The following RBM12B variants were observed in gnomAD, a reference collection of about 807,000 sequenced individuals.
RBM12B encodes the protein RNA-binding protein 12B.
A neutral mutation model predicts 34.3 loss-of-function variants in RBM12B; 10 were observed. The ratio of observed to expected loss-of-function variants is 0.29; its 90% CI spans 0.18 to 0.49. The LOEUF (loss-of-function observed/expected upper bound fraction) is 0.49, where lower values mean the gene tolerates loss of function less well. RBM12B is among the 20% of genes least tolerant of loss of function. RBM12B has a pLI of 0.99. For missense variants in RBM12B, 1,139 were observed against 1,262.7 expected (o/e 0.90, Z 1.48); for synonymous variants, 477 against 437.1 (o/e 1.09, Z -1.14).
Position 93,729,092 on chromosome 8 carries a change from C to A in RBM12B, c.*4313G>T, listed in dbSNP as rs765589310. 2 of 152,098 alleles carry A rather than the reference C, an allele frequency of 1.3e-5. No homozygotes were observed. The highest frequency in any genetic ancestry group is 2.9e-5 in the Non-Finnish European group (2 of 67,936). The allele number at this position is 152,098 out of a possible 1,614,324, so 9.4% of individuals were successfully genotyped here. ...ATTTCTGAAAATATAAAACATTGAGCCTTTCAGTGTATCTGATGCTTCTCT... is the reference window on the plus strand; with the variant it reads ...ATTTCTGAAAATATAAAACATTGAGACTTTCAGTGTATCTGATGCTTCTCT... On this transcript the variant is annotated 3_prime_UTR_variant, in exon 4 of 4. Transcript: ENST00000520560.
chr8:93,736,143 G>T lies in RBM12B; in HGVS notation c.268C>A (p.Arg90Ser). The T allele has an allele frequency of 6.2e-7, 1 of 1,614,140 alleles. No homozygotes were observed. ...QKTIEMKRTD[R>S]VGRGRPGSGT... ...GATCCTGGACGCCCTCTTCCTACACGATCAGTTCTTTTCATTTCTATAGTC... is the reference window on the plus strand; with the variant it reads ...GATCCTGGACGCCCTCTTCCTACACTATCAGTTCTTTTCATTTCTATAGTC... The change falls in exon 4 of 4, where the codon CGT (arginine) becomes AGT (serine). Residue 90 changes from arginine (R) to serine (S), a missense_variant. Physicochemically the swap from Arg to Ser is moderately radical, Grantham distance 110 (BLOSUM62 -1). This residue lies in a region of RBM12B where 216 missense variants were observed against 292.2 expected (regional missense o/e 0.74). Coordinates refer to ENST00000520560, the MANE Select transcript of RBM12B (RefSeq NM_001377960.1).
In RBM12B at chr8:93,728,973, T is replaced by C. The variant is rs1811677380; in HGVS notation, c.*4432A>G. ...TTTGGAAGGCTAATTTGGTGGAATGTTGCCTCATCATAGAACACCATAGAT... is the reference window on the plus strand; with the variant it reads ...TTTGGAAGGCTAATTTGGTGGAATGCTGCCTCATCATAGAACACCATAGAT... On this transcript the variant is annotated 3_prime_UTR_variant, in exon 4 of 4. Coordinates refer to ENST00000520560, the MANE Select transcript of RBM12B (RefSeq NM_001377960.1). 1 of 152,134 alleles carries C rather than the reference T, an allele frequency of 6.6e-6. No homozygotes were observed. The allele number at this position is 152,134 out of a possible 1,614,324, so 9.4% of individuals were successfully genotyped here.
rs1012557034 is a variant in RBM12B, at chr8:93,732,712, T to C, written c.*693A>G. The stretch of plus-strand genomic sequence containing the variant: ...TCATAAATATGGTTTAATGAAGTTA[T>C]TGAAAAACTTCACAATATCGAGCTG... On this transcript the variant is annotated 3_prime_UTR_variant, in exon 4 of 4. Coordinates refer to ENST00000520560, the MANE Select transcript of RBM12B (RefSeq NM_001377960.1). 1.3e-5 allele frequency: 2 copies of C among 152,244 alleles called. No individual in the cohort carries two copies. Among genetic ancestry groups the C allele is most frequent in the African/African-American group, 2.4e-5 (1 of 41,468 alleles). 9.4% of individuals were successfully genotyped at this position (152,244 alleles called of 1,614,324 possible). A position where few individuals can be genotyped will look rare whatever the true frequency, so the allele number is the denominator to read the frequency against.
rs1310208504 is a variant in RBM12B at position 93,735,319 on chromosome 8, C to A, written c.1092G>T (p.Leu364=). 6.8e-6 allele frequency: 11 copies of A among 1,613,984 alleles called. No individual in the cohort carries two copies. Among genetic ancestry groups the A allele is most frequent in the Non-Finnish European group, 9.3e-6 (11 of 1,180,024 alleles). Residue 364 remains leucine, a synonymous_variant, in exon 4 of 4, where the codon CTG becomes CTT. Coordinates refer to ENST00000520560, the MANE Select transcript of RBM12B (RefSeq NM_001377960.1). ...HIDPISRKQM[L]KFIARYEKKR... ...TCTTTTCATAACGTGCAATGAACTTCAGCATTTGTTTTCTAGAAATTGGAT... is the reference window on the plus strand; with the variant it reads ...TCTTTTCATAACGTGCAATGAACTTAAGCATTTGTTTTCTAGAAATTGGAT...
chr8:93,735,932 C>T lies in RBM12B; in HGVS notation c.479G>A (p.Arg160Gln), dbSNP rs1812005632. The part of the protein sequence containing the change: ...LKAENPYLFL[R>Q]GLPYLVNEDD... ...TTCATTTACTAGGTAAGGCAAACCTCGTAGAAACAAGTAAGGATTCTCGGC... is the reference window on the plus strand; with the variant it reads ...TTCATTTACTAGGTAAGGCAAACCTTGTAGAAACAAGTAAGGATTCTCGGC... The change falls in exon 4 of 4, where the codon CGA becomes CAA. Residue 160 changes from arginine to glutamine, a missense_variant. Around this residue, in one of 3 missense-constraint regions of RBM12B, gnomAD observed 216 missense variants for 292.2 expected, o/e 0.74. Transcript: ENST00000520560. 3.1e-6 allele frequency: 5 copies of T among 1,614,190 alleles called. No individual in the cohort carries two copies. The highest frequency in any genetic ancestry group is 1.1e-5 in the South Asian group (1 of 91,078).
rs575211544 is a variant in RBM12B, at chr8:93,728,789, A to G, written c.*4616T>C. 6.6e-6 allele frequency: 1 copy of G among 152,232 alleles called. No individual in the cohort carries two copies. The highest frequency in any genetic ancestry group is 2.1e-4 in the South Asian group (1 of 4,832). The allele number at this position is 152,232 out of a possible 1,614,324, so 9.4% of individuals were successfully genotyped here. On this transcript the variant is annotated 3_prime_UTR_variant, in exon 4 of 4. Transcript: ENST00000520560. ...ATTTGATAAGTAAATTTACTTTTCA[A>G]GAAGAGTATAACCAAAGAGTAAAGA... is the stretch of plus-strand genomic sequence containing the variant.
chr8:93,728,571 A>G lies in RBM12B; in HGVS notation c.*4834T>C. On this transcript the variant is annotated 3_prime_UTR_variant, in exon 4 of 4. Coordinates refer to ENST00000520560, the MANE Select transcript of RBM12B (RefSeq NM_001377960.1). ...TCAAAGTATTTCATATTAATGTACT[A>G]TATCTACTTGAAGTTCCAATAGTAC... 8.3e-6 allele frequency: 2 copies of G among 240,622 alleles called. No homozygotes were observed. The highest frequency in any genetic ancestry group is 7.9e-6 in the Non-Finnish European group (1 of 126,184). The allele number at this position is 240,622 out of a possible 1,614,324, so 14.9% of individuals were successfully genotyped here. A position where few individuals can be genotyped will look rare whatever the true frequency, so the allele number is the denominator to read the frequency against.
Position 93,733,307 on chromosome 8 carries a change from CATTAG to C in RBM12B, c.*93_*97del. 1.1e-6 allele frequency: 1 copy of C among 907,904 alleles called. No homozygotes were observed. Among genetic ancestry groups the C allele is most frequent in the Non-Finnish European group, 1.5e-6 (1 of 655,070 alleles). 56.2% of individuals were successfully genotyped at this position (907,904 alleles called of 1,614,324 possible). A position where few individuals can be genotyped will look rare whatever the true frequency, so the allele number is the denominator to read the frequency against. The stretch of plus-strand genomic sequence containing the variant: ...TTCACAGGTCAAAAATAAAATATTT[CATTAG>C]ATAATTTAAAAAAAAAACACTTTTT... On this transcript the variant is annotated 3_prime_UTR_variant, in exon 4 of 4. Coordinates refer to ENST00000520560, the MANE Select transcript of RBM12B (RefSeq NM_001377960.1).
At chr8:93,737,002 TC>T (rs1812040768) in intron 3 of RBM12B, among the ~76,000 whole-genome samples, 1 of 152,116 alleles carries the variant, frequency 6.6e-6, no homozygotes, top group Non-Finnish European at 1.5e-5. Flanking sequence ...GGCCAGGAGT[TC>T]AAGACCAGCC....
At position 93,733,400 on chromosome 8, in the gene RBM12B, T is replaced by G. The variant is rs1175276817; in HGVS notation, c.*5A>C. 4 of 1,515,260 alleles carry G rather than the reference T, an allele frequency of 2.6e-6. No homozygotes were observed. The highest frequency in any genetic ancestry group is 2.6e-6 in the Non-Finnish European group (3 of 1,133,324). 93.9% of individuals were successfully genotyped at this position (1,515,260 alleles called of 1,614,324 possible). ...AAGATAACTGAATTTAGAAATGCTC[T>G]CTCTCTACAGCAAAGTTAACTTAAC... On this transcript the variant is annotated 3_prime_UTR_variant, in exon 4 of 4. Coordinates refer to ENST00000520560, the MANE Select transcript of RBM12B (RefSeq NM_001377960.1).
At position 93,733,930 on chromosome 8, in the gene RBM12B, GAAGTCCTCATCAGGAGGGTGCCTA is replaced by G; in HGVS notation, c.2457_2480del (p.His821_Arg828del). 1 of 1,613,260 alleles carries G rather than the reference GAAGTCCTCATCAGGAGGGTGCCTA, an allele frequency of 6.2e-7. No individual in the cohort carries two copies. ...TAAAATCTTCCTCCTGGGGGCTCCTGAAGTCCTCATCAGGAGGGTGCCTAAAGTCTTCATCAGGAGGGCCCCTGA... is the reference window on the plus strand; with the variant it reads ...TAAAATCTTCCTCCTGGGGGCTCCTGAAGTCTTCATCAGGAGGGCCCCTGA... On this transcript the variant is annotated inframe_deletion, in exon 4 of 4. Coordinates refer to ENST00000520560, the MANE Select transcript of RBM12B (RefSeq NM_001377960.1).
rs971760042 is a variant in RBM12B, at chr8:93,730,143, G to A, written c.*3262C>T. 2.0e-5 allele frequency: 3 copies of A among 152,224 alleles called. No individual in the cohort carries two copies. The highest frequency in any genetic ancestry group is 7.2e-5 in the African/African-American group (3 of 41,524). 9.4% of individuals were successfully genotyped at this position (152,224 alleles called of 1,614,324 possible). On this transcript the variant is annotated 3_prime_UTR_variant, in exon 4 of 4. Coordinates refer to ENST00000520560, the MANE Select transcript of RBM12B (RefSeq NM_001377960.1). Reference sequence around the variant, plus strand: ...ACTCAACCTGTAGTACATTTACTAGGATTATCAGAATTAAATGATAGTTAA... The same window carrying A: ...ACTCAACCTGTAGTACATTTACTAGAATTATCAGAATTAAATGATAGTTAA...
chr8:93,739,629 C>G (rs1002509829), intron 2 of RBM12B, among the ~76,000 whole-genome samples: 9 of 152,174 alleles, frequency 5.9e-5, no homozygotes, highest in African/African-American at 2.2e-4. Flanking sequence ...CTAAATTACA[C>G]AAAAGCAAAA....
In RBM12B at chr8:93,731,219, C is replaced by T. The variant is rs922427704; in HGVS notation, c.*2186G>A. On this transcript the variant is annotated 3_prime_UTR_variant, in exon 4 of 4. Coordinates refer to ENST00000520560, the MANE Select transcript of RBM12B (RefSeq NM_001377960.1). ...CTAGCTGGCCTCTTATCTACCACCACCATCCCACCTCAGCCCAGTTTGAAA... is the reference window on the plus strand; with the variant it reads ...CTAGCTGGCCTCTTATCTACCACCATCATCCCACCTCAGCCCAGTTTGAAA... 2 of 152,210 alleles carry T rather than the reference C, an allele frequency of 1.3e-5. No individual in the cohort carries two copies. The highest frequency in any genetic ancestry group is 1.5e-5 in the Non-Finnish European group (1 of 68,038). The allele number at this position is 152,210 out of a possible 1,614,324, so 9.4% of individuals were successfully genotyped here.
At chr8:93,739,000 C>T (rs934129005) in intron 2 of RBM12B, 5 of 152,070 alleles carry the variant, frequency 3.3e-5, no homozygotes, top group African/African-American at 1.2e-4. Flanking sequence ...AGTATTTGCA[C>T]AGTAACAAAA....
In RBM12B at chr8:93,736,310, T is replaced by C. The variant is rs1256250167; in HGVS notation, c.101A>G (p.His34Arg). Residue 34 changes from histidine (H) to arginine (R), a missense_variant, in exon 4 of 4, where the codon CAT becomes CGT. Physicochemically the swap from His to Arg is conservative, Grantham distance 29 (BLOSUM62 0). This residue lies in a region of RBM12B where 216 missense variants were observed against 292.2 expected (regional missense o/e 0.74). Coordinates refer to ENST00000520560, the MANE Select transcript of RBM12B (RefSeq NM_001377960.1). ...TGLTIPDGGV[H>R]IIGGEIGEAF... ...CTCCCCAATTTCCCCTCCAATTATATGCACTCCTCCATCAGGAATAGTCAA... is the reference window on the plus strand; with the variant it reads ...CTCCCCAATTTCCCCTCCAATTATACGCACTCCTCCATCAGGAATAGTCAA... 6.2e-7 allele frequency: 1 copy of C among 1,614,022 alleles called. No homozygotes were observed. The highest frequency in any genetic ancestry group is 8.5e-7 in the Non-Finnish European group (1 of 1,180,026).
In RBM12B at chr8:93,729,503, A is replaced by G. The variant is rs1811702949; in HGVS notation, c.*3902T>C. The G allele has an allele frequency of 6.6e-6, 1 of 152,164 alleles. No individual in the cohort carries two copies. The highest frequency in any genetic ancestry group is 1.5e-5 in the Non-Finnish European group (1 of 68,000). 9.4% of individuals were successfully genotyped at this position (152,164 alleles called of 1,614,324 possible). On this transcript the variant is annotated 3_prime_UTR_variant, in exon 4 of 4. Transcript: ENST00000520560. ...GCTTACTAAATAGCAACTTCTCTTG[A>G]GCATTATTTGCCTTGTTTGTAAAGT...
rs764462513 is a variant in RBM12B at position 93,734,241 on chromosome 8, G to T, written c.2170C>A (p.Arg724=). The change falls in exon 4 of 4, where the codon CGG becomes AGG. Residue 724 remains arginine, a synonymous_variant. Transcript: ENST00000520560. ...DFRQSPQEHF[R]RPPQEHFRRP... ...CGGAAATGCTCCTGAGGTGGCCTCC[G>T]GAAATGCTCCTGGGGTGACTGCCTG... is the stretch of plus-strand genomic sequence containing the variant. The T allele has an allele frequency of 6.2e-7, 1 of 1,607,318 alleles. No homozygotes were observed. Among genetic ancestry groups the T allele is most frequent in the African/African-American group, 1.3e-5 (1 of 74,224 alleles).
chr8:93,734,379 G>T lies in RBM12B; in HGVS notation c.2032C>A (p.Pro678Thr). 6.2e-7 allele frequency: 1 copy of T among 1,612,906 alleles called. No homozygotes were observed. Among genetic ancestry groups the T allele is most frequent in the Non-Finnish European group, 8.5e-7 (1 of 1,179,704 alleles). ...RRPPEEDWRR[P>T]PEEDFRRPLQ... is the part of the protein sequence containing the mutation. ...GGCCGCCTAAAGTCCTCCTCTGGGG[G>T]CCGTCTCCAGTCCTCCTCAGGTGGC... is the stretch of plus-strand genomic sequence containing the variant. Residue 678 changes from proline to threonine, a missense_variant, in exon 4 of 4, where the codon CCC becomes ACC. Pro to Thr is a conservative substitution (Grantham distance 38, BLOSUM62 -1). Coordinates refer to ENST00000520560, the MANE Select transcript of RBM12B (RefSeq NM_001377960.1).
Sources: gnomAD v4.1 joint callset for allele counts (sites outside exome capture counted in the v4.1 genomes callset) on GRCh38, gnomAD v4.1.1 for gene constraint, gnomAD v4.1.1 regional missense constraint, MANE v1.5 for transcripts, NCBI Gene and HGNC (gene_info 2026-07-23, HGNC 2026-07-21) for gene names.